The following IQCM variants were observed in gnomAD, a reference collection of about 807,000 sequenced individuals.
IQCM encodes the protein IQ domain-containing protein M.
IQCM carries 45 observed loss-of-function variants against 57.6 expected under a neutral mutation model. The observed-to-expected ratio is 0.78, with a 90% CI of 0.62 to 1.00. IQCM has a LOEUF of 1.00. IQCM is among the 50% of genes least tolerant of loss of function. The pLI, the probability that IQCM is intolerant of heterozygous loss-of-function variation, is 0.00. For missense variants in IQCM, 468 were observed against 511.6 expected, an observed-to-expected ratio of 0.91 and a Z score of 0.82; for synonymous variants, 148 against 158.9, an observed-to-expected ratio of 0.93 and a Z score of 0.51.
intron 2 of IQCM, among the ~76,000 whole-genome samples, chr4:149,755,476 C>T (rs1193806343): frequency 6.6e-6 from 1 of 152,116 alleles, no homozygotes; most frequent in African/African-American, 2.4e-5. Context: ...TTTGCATTTG[C>T]TACCTTATTT....
At chr4:149,662,118 C>T (rs1263288336) in intron 7 of IQCM, among the ~76,000 whole-genome samples, 2 of 151,796 alleles carry the variant, frequency 1.3e-5, no homozygotes, top group African/African-American at 4.8e-5. Context: ...TGCTATGTCC[C>T]GTGGGTTTTG....
At chr4:149,411,481 G>A (rs1733379748) in intron 13 of IQCM, among the ~76,000 whole-genome samples, 2 of 151,846 alleles carry the variant, frequency 1.3e-5, no homozygotes, top group East Asian at 1.9e-4. Context: ...TTTGTATTTG[G>A]GAATGAAAAT....
chr4:149,451,803 G>A (rs1246184505), intron 12 of IQCM, among the ~76,000 whole-genome samples: 1 of 151,724 alleles, frequency 6.6e-6, no homozygotes, highest in Non-Finnish European at 1.5e-5. Context: ...GTGAAAAATT[G>A]TATGTTTTCC....
intron 2 of IQCM, among the ~76,000 whole-genome samples, chr4:149,787,138 T>G (rs989064040): frequency 1.3e-5 from 2 of 151,912 alleles, no homozygotes; most frequent in Non-Finnish European, 2.9e-5. Flanking sequence ...TGAGAACATA[T>G]GGACACAGAG....
At chr4:149,518,871 A>G (rs1279327256) in intron 12 of IQCM, among the ~76,000 whole-genome samples, 1 of 152,212 alleles carries the variant, frequency 6.6e-6, no homozygotes, top group Non-Finnish European at 1.5e-5. Flanking sequence ...ACATATAGAA[A>G]GCAACAAGGG....
chr4:149,486,748 AAAAC>A (rs768020343), intron 12 of IQCM, among the ~76,000 whole-genome samples: 4 of 152,222 alleles, frequency 2.6e-5, no homozygotes, highest in East Asian at 3.9e-4. Context: ...TCCGTCTCCA[AAAAC>A]AAACAAACAA....
intron 2 of IQCM, among the ~76,000 whole-genome samples, chr4:149,768,904 C>A (rs1047871808): frequency 1.2e-4 from 18 of 152,038 alleles, no homozygotes; most frequent in Non-Finnish European, 2.1e-4. Context: ...CAATTGAATT[C>A]TTTGTGGCAT....
chr4:149,718,075 A>G (rs1263192911), intron 5 of IQCM, among the ~76,000 whole-genome samples: 1 of 152,206 alleles, frequency 6.6e-6, no homozygotes, highest in African/African-American at 2.4e-5. Flanking sequence ...GGTGAGAGTA[A>G]AAGGCCCTCC....
In IQCM at chr4:149,742,998, A is replaced by G. The variant is rs914817111; in HGVS notation, c.-48-259T>C. On this transcript the variant is annotated intron_variant, in intron 2 of 13. Coordinates refer to ENST00000636793, the MANE Select transcript of IQCM (RefSeq NM_001363507.2). Reference sequence around the variant, plus strand: ...AACCTGATAAGAACTATTATTATGAATATTTGGCAGATGTGGAAATTGGAG... The same window carrying G: ...AACCTGATAAGAACTATTATTATGAGTATTTGGCAGATGTGGAAATTGGAG... 2.0e-4 allele frequency among the ~76,000 whole-genome samples: 31 copies of G among 152,126 alleles called. 1 individual carries two copies. Among genetic ancestry groups the G allele is most frequent in the Admixed American group, 1.5e-3 (23 of 15,260 alleles).
At chr4:149,572,481 C>T (rs940782880) in intron 9 of IQCM, among the ~76,000 whole-genome samples, 7 of 151,546 alleles carry the variant, frequency 4.6e-5, no homozygotes, top group Admixed American at 2.6e-4. Context: ...AGCAACCAAA[C>T]CTGTCTTCAT....
chr4:149,459,856 T>G (rs1738087997), intron 12 of IQCM, among the ~76,000 whole-genome samples: 1 of 152,228 alleles, frequency 6.6e-6, no homozygotes, highest in African/African-American at 2.4e-5. Flanking sequence ...TTTTAGCTAC[T>G]GTGAATAATG....
chr4:149,433,309 T>A (rs1735043411), intron 13 of IQCM, 87 bp downstream of exon 13: 2 of 560,148 alleles, frequency 3.6e-6, no homozygotes, highest in Admixed American at 4.4e-5. Context: ...TCATCCCACA[T>A]CATCTAAGTG....
chr4:149,747,872 A>T (rs566658693), intron 2 of IQCM, among the ~76,000 whole-genome samples: 2 of 152,310 alleles, frequency 1.3e-5, no homozygotes, highest in South Asian at 4.1e-4. Flanking sequence ...GGAAGGAAAT[A>T]ATATAAATGA....
In IQCM at chr4:149,770,636, G is replaced by A. The variant is rs552151715; in HGVS notation, c.-48-27897C>T. ...GTCTTAACAATAAAATATAATGAAT[G>A]TAATTCACCATATTAACAAACTAAA... On this transcript the variant is annotated intron_variant, in intron 2 of 13. Coordinates refer to ENST00000636793, the MANE Select transcript of IQCM (RefSeq NM_001363507.2). Among the ~76,000 whole-genome samples, 6 of 152,036 alleles carry A rather than the reference G, an allele frequency of 3.9e-5. 1 individual carries two copies. The highest frequency in any genetic ancestry group is 1.4e-4 in the African/African-American group (6 of 41,530).
chr4:149,806,016 G>C (rs1206504852), intron 2 of IQCM, among the ~76,000 whole-genome samples: 1 of 151,824 alleles, frequency 6.6e-6, no homozygotes, highest in African/African-American at 2.4e-5. Flanking sequence ...ATTGGAGTTG[G>C]TTTTGGTACA....
At chr4:149,516,892 G>T (rs1025087542) in intron 12 of IQCM, among the ~76,000 whole-genome samples, 1 of 152,016 alleles carries the variant, frequency 6.6e-6, no homozygotes, top group African/African-American at 2.4e-5. Context: ...GAGTTACAGT[G>T]TTGGCTGGGG....
Position 149,805,746 on chromosome 4 carries a change from T to G in IQCM, c.-49+9565A>C, listed in dbSNP as rs535411575. On this transcript the variant is annotated intron_variant, in intron 2 of 13. Transcript: ENST00000636793. The stretch of plus-strand genomic sequence containing the variant: ...TTTCATATCAATGTCATCAGTTGCT[T>G]TGAAGGAAAAAAACAGTTAATTCCA... 2.2e-4 allele frequency among the ~76,000 whole-genome samples: 34 copies of G among 152,128 alleles called. No individual in the cohort carries two copies. The South Asian group carries it at 7.0e-3, about 32-fold the overall frequency.
chr4:149,450,157 T>C (rs1736953145), intron 12 of IQCM, among the ~76,000 whole-genome samples: 1 of 151,842 alleles, frequency 6.6e-6, no homozygotes, highest in Non-Finnish European at 1.5e-5. Flanking sequence ...GATGTCCACA[T>C]GCAGAAGAAT....
At chr4:149,644,491 G>A (rs564967853) in intron 7 of IQCM, among the ~76,000 whole-genome samples, 129 of 152,158 alleles carry the variant, frequency 8.5e-4, no homozygotes, top group Admixed American at 8.1e-3. Context: ...ACTGATTCCT[G>A]TTGTTGCATG....
Sources: allele counts gnomAD v4.1 joint callset (sites outside exome capture counted in the v4.1 genomes callset), GRCh38; gene constraint gnomAD v4.1.1; transcripts MANE v1.5; gene names NCBI Gene and HGNC (gene_info 2026-07-23, HGNC 2026-07-21).